Variants in RFTN2 observed in about 807,000 individuals in gnomAD.
The protein encoded by RFTN2 is raftlin-2.
In RFTN2, 34 loss-of-function variants were observed where a neutral mutation model predicts 52.7. The observed-to-expected ratio is 0.64, with a 90% confidence interval of 0.49 to 0.86. RFTN2 has a LOEUF of 0.86. Among genes scored for constraint, RFTN2 ranks in the 40% least tolerant of loss-of-function variants. The pLI is 0.00. For missense variants in RFTN2, 536 were observed against 600.1 expected, an observed-to-expected ratio of 0.89 and a Z score of 1.12; for synonymous variants, 203 against 217.7, an observed-to-expected ratio of 0.93 and a Z score of 0.59.
In RFTN2 at chr2:197,621,401, G is replaced by GT. The variant is rs55724429; in HGVS notation, c.929-3481dup. ...GCTTTACTGTGTTTTGCAGATACCG[G>GT]TTTTTTTTTTTTTTTTTCAAATTGA... On this transcript the variant is annotated intron_variant, in intron 5 of 8. Coordinates refer to ENST00000295049, the MANE Select transcript of RFTN2 (RefSeq NM_144629.3). Among the ~76,000 whole-genome samples, 536 of 122,560 alleles carry GT rather than the reference G, an allele frequency of 4.4e-3. 19 individuals carry two copies. The highest frequency in any genetic ancestry group is 0.013 in the East Asian group (56 of 4,286). The allele number at this position is 122,560 out of a possible 152,430, so 80.4% of individuals were successfully genotyped here. A position where few individuals can be genotyped will look rare whatever the true frequency, so the allele number is the denominator to read the frequency against.
At chr2:197,614,430 C>A (rs983275251) in intron 7 of RFTN2, among the ~76,000 whole-genome samples, 1 of 152,106 alleles carries the variant, frequency 6.6e-6, no homozygotes, top group African/African-American at 2.4e-5. Flanking sequence ...TCAATAAAAC[C>A]TGCACAATCA....
At position 197,571,942 on chromosome 2, in the gene RFTN2, A is replaced by G; in HGVS notation, c.*66T>C. The G allele has an allele frequency of 6.7e-7, 1 of 1,501,256 alleles. No individual in the cohort carries two copies. Among genetic ancestry groups the G allele is most frequent in the Non-Finnish European group, 9.2e-7 (1 of 1,084,882 alleles). 93.0% of individuals were successfully genotyped at this position (1,501,256 alleles called of 1,614,324 possible). On this transcript the variant is annotated 3_prime_UTR_variant, in exon 9 of 9. Coordinates refer to ENST00000295049, the MANE Select transcript of RFTN2 (RefSeq NM_144629.3). ...TACATAAATGCAGAGAAAGTAATAC[A>G]ATAAGGTCAGTTGGCAATGATTTTA...
intron 8 of RFTN2, among the ~76,000 whole-genome samples, chr2:197,591,648 G>A (rs891088384): frequency 6.6e-6 from 1 of 152,194 alleles, no homozygotes; most frequent in Non-Finnish European, 1.5e-5. Flanking sequence ...GGAGCCCACG[G>A]TGGTGGAGCG....
intron 8 of RFTN2, chr2:197,587,923 C>A: frequency 2.2e-6 from 1 of 458,200 alleles, no homozygotes; most frequent in Non-Finnish European, 4.5e-6. Flanking sequence ...GGGCCCAGAC[C>A]CAGAAAGAAA....
At chr2:197,604,455 A>C (rs910054456) in intron 7 of RFTN2, among the ~76,000 whole-genome samples, 2 of 152,254 alleles carry the variant, frequency 1.3e-5, no homozygotes, top group Admixed American at 6.5e-5. Context: ...GCAGCAACAC[A>C]TAAAAGAATA....
At chr2:197,667,121 C>T (rs1393031431) in intron 1 of RFTN2, among the ~76,000 whole-genome samples, 6 of 152,146 alleles carry the variant, frequency 3.9e-5, no homozygotes, top group African/African-American at 1.2e-4. Flanking sequence ...GCTGGGATTA[C>T]AGGCATGTGC....
intron 8 of RFTN2, among the ~76,000 whole-genome samples, chr2:197,594,080 A>G (rs1268988835): frequency 7.4e-6 from 1 of 134,888 alleles, no homozygotes; most frequent in Non-Finnish European, 1.5e-5. Flanking sequence ...CAGTGGTGCG[A>G]TCTTGGCTCA....
chr2:197,568,508 C>A lies in RFTN2; in HGVS notation c.*3500G>T, dbSNP rs2087269265. On this transcript the variant is annotated 3_prime_UTR_variant, in exon 9 of 9. Transcript: ENST00000295049. ...TCATTCTCAAGGGATGATAGATTAC[C>A]AGCAAATGTTATTTAAATTGATATG... 6.6e-6 allele frequency: 1 copy of A among 152,154 alleles called. No homozygotes were observed. Among genetic ancestry groups the A allele is most frequent in the African/African-American group, 2.4e-5 (1 of 41,432 alleles). 9.4% of individuals were successfully genotyped at this position (152,154 alleles called of 1,614,324 possible). A position where few individuals can be genotyped will look rare whatever the true frequency, so the allele number is the denominator to read the frequency against.
chr2:197,626,030 C>T (rs999780553), intron 5 of RFTN2, among the ~76,000 whole-genome samples: 1 of 152,116 alleles, frequency 6.6e-6, no homozygotes, highest in Non-Finnish European at 1.5e-5. Context: ...CTCAAGTGAT[C>T]CACCTGCCTT....
intron 2 of RFTN2, among the ~76,000 whole-genome samples, chr2:197,644,473 ACTG>A (rs1218884220): frequency 3.3e-5 from 5 of 152,226 alleles, no homozygotes; most frequent in African/African-American, 9.6e-5. Context: ...CTTAATTTAA[ACTG>A]CTATTAATTT....
intron 1 of RFTN2, among the ~76,000 whole-genome samples, chr2:197,670,243 C>T (rs953962245): frequency 2.0e-5 from 3 of 152,188 alleles, no homozygotes; most frequent in Admixed American, 2.0e-4. Flanking sequence ...TTGCTGATTT[C>T]TGCAGTATTG....
At chr2:197,614,753 T>C (rs563527391) in intron 7 of RFTN2, among the ~76,000 whole-genome samples, 1 of 152,174 alleles carries the variant, frequency 6.6e-6, no homozygotes, top group East Asian at 1.9e-4. Context: ...TCCTGCAAGG[T>C]TGAGGGCGGG....
intron 8 of RFTN2, among the ~76,000 whole-genome samples, chr2:197,574,122 AG>A (rs920320088): frequency 1.3e-5 from 2 of 152,188 alleles, no homozygotes; most frequent in African/African-American, 4.8e-5. Flanking sequence ...CTGTGAGAAG[AG>A]GGCCACCGTC....
At chr2:197,587,582 C>T (rs1223871249) in intron 8 of RFTN2, among the ~76,000 whole-genome samples, 1 of 151,788 alleles carries the variant, frequency 6.6e-6, no homozygotes, top group Non-Finnish European at 1.5e-5. Flanking sequence ...CCACTACCTA[C>T]CCAAATCCTA....
chr2:197,572,514 C>T (rs1183337965), intron 8 of RFTN2, among the ~76,000 whole-genome samples: 1 of 152,182 alleles, frequency 6.6e-6, no homozygotes, highest in Admixed American at 6.5e-5. Context: ...CCTGGCACAT[C>T]ATTCTTGTTG....
intron 1 of RFTN2, 44 bp from the exon 2 acceptor site, chr2:197,646,710 T>G (rs2088755541): frequency 6.9e-7 from 1 of 1,440,074 alleles, no homozygotes; most frequent in East Asian, 2.3e-5. Context: ...TTCTTAAGAT[T>G]GAATTATACA....
chr2:197,577,297 C>T (rs984396645), intron 8 of RFTN2, among the ~76,000 whole-genome samples: 6 of 152,232 alleles, frequency 3.9e-5, no homozygotes, highest in South Asian at 4.1e-4. Context: ...CTCATATATT[C>T]GGGGTTCACA....
At chr2:197,596,605 T>C (rs1271943317) in intron 7 of RFTN2, among the ~76,000 whole-genome samples, 1 of 152,250 alleles carries the variant, frequency 6.6e-6, no homozygotes, top group African/African-American at 2.4e-5. Flanking sequence ...GTTATAAATA[T>C]ATGATGCTAT....
chr2:197,579,033 C>T (rs1210398394), intron 8 of RFTN2, among the ~76,000 whole-genome samples: 1 of 151,900 alleles, frequency 6.6e-6, no homozygotes, highest in East Asian at 1.9e-4. Flanking sequence ...TAATGTCAGG[C>T]CCTTTCCTTT....
Sources: allele counts gnomAD v4.1 joint callset (sites outside exome capture counted in the v4.1 genomes callset), GRCh38; gene constraint gnomAD v4.1.1; transcripts MANE v1.5; gene names NCBI Gene and HGNC (gene_info 2026-07-23, HGNC 2026-07-21).